Variants in BNC2 observed in about 807,000 individuals in gnomAD.
BNC2 encodes the protein basonuclin zinc finger protein 2.
Under a neutral mutation model 76.3 loss-of-function variants are expected in BNC2, and 20 were observed. The ratio of observed to expected loss-of-function variants is 0.26; its 90% CI spans 0.18 to 0.38. The LOEUF is 0.38. Among genes scored for constraint, BNC2 ranks in the 10% least tolerant of loss-of-function variants. The pLI is 1.00. For synonymous variants in BNC2, 582 were observed against 514.8 expected (o/e 1.13, Z -1.77); for missense variants, 1,382 against 1,399.8 (o/e 0.99, Z 0.20).
intron 5 of BNC2, among the ~76,000 whole-genome samples, chr9:16,477,726 A>AATTTG (rs1197476066): frequency 3.3e-5 from 5 of 152,140 alleles, no homozygotes; most frequent in African/African-American, 1.2e-4. Flanking sequence ...TTTTATCAAA[A>AATTTG]ATTTGATATC....
chr9:16,836,759 C>CTTTT (rs994502007), intron 1 of BNC2, among the ~76,000 whole-genome samples: 2 of 150,912 alleles, frequency 1.3e-5, no homozygotes, highest in Non-Finnish European at 3.0e-5. Context: ...TCTAATAATA[C>CTTTT]TTTTTTTTTC....
At chr9:16,732,952 A>G (rs1012511845) in intron 2 of BNC2, among the ~76,000 whole-genome samples, 1 of 152,222 alleles carries the variant, frequency 6.6e-6, no homozygotes, top group South Asian at 2.1e-4. Context: ...GTAGAGTTTT[A>G]AAATGTTTTG....
In BNC2 at chr9:16,414,052, C is replaced by G. The variant is rs2118940922; in HGVS notation, c.*4937G>C. 6.6e-6 allele frequency: 1 copy of G among 152,284 alleles called. No individual in the cohort carries two copies. The highest frequency in any genetic ancestry group is 2.1e-4 in the South Asian group (1 of 4,818). The allele number at this position is 152,284 out of a possible 1,614,324, so 9.4% of individuals were successfully genotyped here. Reference sequence around the variant, plus strand: ...CTCAGGGGATTCCAGCAACACTTCCCACTCAAAAACAAAGCAAAAGCAACC... The same window carrying G: ...CTCAGGGGATTCCAGCAACACTTCCGACTCAAAAACAAAGCAAAAGCAACC... On this transcript the variant is annotated 3_prime_UTR_variant, in exon 7 of 7. Coordinates refer to ENST00000380672, the MANE Select transcript of BNC2 (RefSeq NM_017637.6).
chr9:16,810,502 C>A (rs983545297), intron 1 of BNC2, among the ~76,000 whole-genome samples: 1 of 152,212 alleles, frequency 6.6e-6, no homozygotes, highest in Non-Finnish European at 1.5e-5. Context: ...CCAGATGCTG[C>A]CGCTGCAGGC....
chr9:16,792,479 G>A (rs147771928), intron 1 of BNC2, among the ~76,000 whole-genome samples: 1 of 152,268 alleles, frequency 6.6e-6, no homozygotes, highest in African/African-American at 2.4e-5. Flanking sequence ...AAAGATCATT[G>A]CCAGTTAGTT....
chr9:16,740,469 T>C (rs549259662), intron 1 of BNC2, among the ~76,000 whole-genome samples: 2 of 152,356 alleles, frequency 1.3e-5, no homozygotes, highest in East Asian at 3.9e-4. Context: ...GGCTAAAATA[T>C]TTTATTAGGC....
intron 5 of BNC2, among the ~76,000 whole-genome samples, chr9:16,458,550 T>A (rs1187672811): frequency 2.0e-5 from 3 of 152,180 alleles, no homozygotes; most frequent in Non-Finnish European, 2.9e-5. Context: ...GCTAGAGTCA[T>A]GAGATAATTT....
chr9:16,542,354 T>C (rs1327419922), intron 5 of BNC2, among the ~76,000 whole-genome samples: 1 of 151,770 alleles, frequency 6.6e-6, no homozygotes, highest in East Asian at 1.9e-4. Flanking sequence ...CAAGTCTACC[T>C]TGACTGAAAA....
At position 16,747,052 on chromosome 9, in the gene BNC2, A is replaced by T. The variant is rs540961671; in HGVS notation, c.4-8567T>A. On this transcript the variant is annotated intron_variant, in intron 1 of 6. Transcript: ENST00000380672. ...AACATCTGAAATTCTTCCCATTTTT[A>T]AAATATACAAAATATCACACCACGC... 3.9e-5 allele frequency among the ~76,000 whole-genome samples: 6 copies of T among 152,256 alleles called. No homozygotes were observed. In the East Asian group the frequency reaches 7.7e-4, roughly 20 times the overall value.
chr9:16,784,240 G>C (rs953280616), intron 1 of BNC2, among the ~76,000 whole-genome samples: 1 of 152,208 alleles, frequency 6.6e-6, no homozygotes, highest in Non-Finnish European at 1.5e-5. Context: ...TGTGCAAACA[G>C]ATAATTAGGG....
At chr9:16,793,106 A>G (rs10120562) in intron 1 of BNC2, among the ~76,000 whole-genome samples, 14,541 of 152,298 alleles carry the variant, frequency 0.095, 943 homozygotes, top group Admixed American at 0.22. Context: ...CAGCTTTAAT[A>G]TAACAACAGG....
rs187376031 is a variant in BNC2 at position 16,616,851 on chromosome 9, C to T, written c.331-33766G>A. Among the ~76,000 whole-genome samples the T allele has an allele frequency of 1.2e-4, 9 of 72,582 alleles. No homozygotes were observed. The East Asian group carries it at 3.5e-3, about 29-fold the overall frequency. The allele number at this position is 72,582 out of a possible 152,430, so 47.6% of individuals were successfully genotyped here. A position where few individuals can be genotyped will look rare whatever the true frequency, so the allele number is the denominator to read the frequency against. On this transcript the variant is annotated intron_variant, in intron 3 of 6. Transcript: ENST00000380672. ...AGGAAGGAAGGAAGTTCTACTGACA[C>T]GTGGGAATTTCGTAGGTGGCTCTCT...
At chr9:16,680,300 G>A (rs1204156839) in intron 3 of BNC2, among the ~76,000 whole-genome samples, 1 of 151,972 alleles carries the variant, frequency 6.6e-6, no homozygotes, top group South Asian at 2.1e-4. Flanking sequence ...CTTTTTCTAT[G>A]TTGATTCTGA....
At chr9:16,717,025 G>T (rs1476260229) in intron 3 of BNC2, among the ~76,000 whole-genome samples, 3 of 152,248 alleles carry the variant, frequency 2.0e-5, no homozygotes, top group Non-Finnish European at 4.4e-5. Context: ...CCGTAAACAT[G>T]AACTCCATAA....
intron 5 of BNC2, among the ~76,000 whole-genome samples, chr9:16,520,960 A>G (rs4961492): frequency 0.25 from 37,614 of 152,124 alleles, 5,666 homozygotes; most frequent in Non-Finnish European, 0.34. Flanking sequence ...AGACATACTA[A>G]TATTAGTATT....
chr9:16,586,026 C>T (rs1819759600), intron 3 of BNC2, among the ~76,000 whole-genome samples: 1 of 152,144 alleles, frequency 6.6e-6, no homozygotes, highest in South Asian at 2.1e-4. Flanking sequence ...CCTCCAGGAC[C>T]CAGCCTAACA....
At chr9:16,439,234 G>A (rs1821079444) in intron 5 of BNC2, among the ~76,000 whole-genome samples, 1 of 152,032 alleles carries the variant, frequency 6.6e-6, no homozygotes, top group Admixed American at 6.6e-5. Context: ...ATTAGTACAT[G>A]GGAATGGACA....
At chr9:16,680,897 T>A (rs1822803372) in intron 3 of BNC2, among the ~76,000 whole-genome samples, 6 of 152,200 alleles carry the variant, frequency 3.9e-5, no homozygotes. Context: ...TAGAGCCTCA[T>A]CCATATCAAT....
chr9:16,715,365 A>C (rs1823970160), intron 3 of BNC2, among the ~76,000 whole-genome samples: 1 of 152,192 alleles, frequency 6.6e-6, no homozygotes, highest in African/African-American at 2.4e-5. Flanking sequence ...CTTTTTTTCT[A>C]ATCACAGGGG....
Sources: allele counts gnomAD v4.1 joint callset (sites outside exome capture counted in the v4.1 genomes callset), GRCh38; gene constraint gnomAD v4.1.1; transcripts MANE v1.5; gene names NCBI Gene and HGNC (gene_info 2026-07-23, HGNC 2026-07-21).